The following FANCI variants were observed in gnomAD, a reference collection of about 807,000 sequenced individuals.
FANCI encodes the protein Fanconi anemia group I protein.
Under a neutral mutation model 176.1 loss-of-function variants are expected in FANCI, and 156 were observed. The ratio of observed to expected loss-of-function variants is 0.89; its 90% CI spans 0.78 to 1.01. The LOEUF (loss-of-function observed/expected upper bound fraction) is 1.01. Ranked by LOEUF, FANCI falls within the 50% of genes least tolerant of loss-of-function variation. FANCI has a pLI of 0.00. For synonymous variants in FANCI, 613 were observed against 541.7 expected, an observed-to-expected ratio of 1.13 and a Z score of -1.83; for missense variants, 1,678 against 1,534.1, an observed-to-expected ratio of 1.09 and a Z score of -1.57.
intron 9 of FANCI, 35 bp from the exon 10 acceptor site, chr15:89,268,364 C>T (rs747223338): frequency 1.2e-6 from 2 of 1,613,304 alleles, no homozygotes; most frequent in Non-Finnish European, 1.7e-6. Context: ...AGCCACTGCA[C>T]CTTATAGCTC....
At position 89,247,845 on chromosome 15, in the gene FANCI, G is replaced by A. The variant is rs28635206; in HGVS notation, c.84+114G>A. On this transcript the variant is annotated intron_variant, in intron 2 of 37. Transcript: ENST00000310775. ...CTTCTTCATCTACTCCCCATTCACT[G>A]TAGGAGACAAGGATTTATTTAATAA... 3.2e-3 allele frequency: 2,528 copies of A among 790,062 alleles called. 35 individuals carry two copies. The highest frequency in any genetic ancestry group is 0.032 in the African/African-American group (1,856 of 58,104). The allele number at this position is 790,062 out of a possible 1,614,324, so 48.9% of individuals were successfully genotyped here. A position where few individuals can be genotyped will look rare whatever the true frequency, so the allele number is the denominator to read the frequency against.
At chr15:89,303,791 ACTCTT>A in intron 27 of FANCI, 68 bp from the exon 28 acceptor site, 1 of 1,340,052 alleles carries the variant, frequency 7.5e-7, no homozygotes, top group Non-Finnish European at 1.1e-6. Context: ...AAGGTCTAGA[ACTCTT>A]CTGTTCTGAC....
rs571170572 is a variant in FANCI, at chr15:89,281,052, A to G, written c.1382-118A>G. Reference sequence around the variant, plus strand: ...AATCAGTAGAAATTTGTATTGCAGTATACTTGACTTATTTGAGAAAGGAAA... The same window carrying G: ...AATCAGTAGAAATTTGTATTGCAGTGTACTTGACTTATTTGAGAAAGGAAA... On this transcript the variant is annotated intron_variant, in intron 14 of 37. Transcript: ENST00000310775. 8.9e-6 allele frequency: 9 copies of G among 1,010,662 alleles called. No homozygotes were observed. In the African/African-American group the frequency reaches 1.4e-4, roughly 16 times the overall value. The allele number at this position is 1,010,662 out of a possible 1,614,324, so 62.6% of individuals were successfully genotyped here.
In FANCI at chr15:89,295,033, G is replaced by A. The variant is rs553892537; in HGVS notation, c.2575G>A (p.Val859Met). 1 of 1,552,280 alleles carries A rather than the reference G, an allele frequency of 6.4e-7. No individual in the cohort carries two copies. Among genetic ancestry groups the A allele is most frequent in the African/African-American group, 1.4e-5 (1 of 73,152 alleles). The change falls in exon 24 of 38, where the codon GTG becomes ATG. Residue 859 changes from valine to methionine, a missense_variant. Around this residue, in one of 3 missense-constraint regions of FANCI, gnomAD observed 1,204 missense variants for 1,077.4 expected, o/e 1.12. Transcript: ENST00000310775. ...ACAGCAGCTAAAGGAAACAGGGCAT[G>A]TGAGTGGCCCTGATGGCCAAAACCC... ...KVQQLKETGH[V>M]SGPDGQNPEK...
At chr15:89,262,077 A>T (rs879843471) in intron 6 of FANCI, among the ~76,000 whole-genome samples, 199 bp downstream of exon 6, 6 of 152,316 alleles carry the variant, frequency 3.9e-5, no homozygotes, top group Non-Finnish European at 8.8e-5. Flanking sequence ...AAGACTGTTC[A>T]TATAGTTTTA....
intron 34 of FANCI, among the ~76,000 whole-genome samples, chr15:89,311,400 CAG>C (rs1275589261): frequency 6.6e-6 from 1 of 152,190 alleles, no homozygotes; most frequent in African/African-American, 2.4e-5. Flanking sequence ...GCCTGGGCGA[CAG>C]AGTGAAACTC....
intron 1 of FANCI, 120 bp from the exon 2 acceptor site, chr15:89,247,509 A>T: frequency 2.7e-6 from 2 of 750,734 alleles, no homozygotes; most frequent in South Asian, 2.9e-5. Context: ...AGATAGTCCT[A>T]AGTTTGTTGA....
At chr15:89,266,468 A>G (rs539676852) in intron 9 of FANCI, among the ~76,000 whole-genome samples, 1 of 151,514 alleles carries the variant, frequency 6.6e-6, no homozygotes, top group South Asian at 2.1e-4. Context: ...AGCTGGGGTT[A>G]CAGGTGCGTG....
At chr15:89,255,637 A>C (rs887729740) in intron 2 of FANCI, among the ~76,000 whole-genome samples, 7 of 152,240 alleles carry the variant, frequency 4.6e-5, no homozygotes, top group African/African-American at 1.7e-4. Context: ...ATCAGACAAC[A>C]CAAAATGAGG....
intron 10 of FANCI, among the ~76,000 whole-genome samples, chr15:89,270,171 G>A (rs2053145519): frequency 6.6e-6 from 1 of 152,072 alleles, no homozygotes; most frequent in Non-Finnish European, 1.5e-5. Context: ...TTAGCTCATG[G>A]GTTGCACAAA....
chr15:89,281,968 CA>C, intron 16 of FANCI, 133 bp downstream of exon 16: 1 of 822,826 alleles, frequency 1.2e-6, no homozygotes, highest in Non-Finnish European at 2.1e-6. Context: ...GCAATTTCAT[CA>C]AATAAGGCAT....
intron 16 of FANCI, 47 bp from the exon 17 acceptor site, chr15:89,283,089 T>A (rs1213926800): frequency 6.3e-7 from 1 of 1,597,300 alleles, no homozygotes; most frequent in Non-Finnish European, 8.6e-7. Context: ...CAGAAGCATA[T>A]TCCTGTGAAA....
intron 34 of FANCI, among the ~76,000 whole-genome samples, chr15:89,308,900 C>T (rs906380733): frequency 9.9e-5 from 15 of 151,300 alleles, no homozygotes; most frequent in African/African-American, 2.9e-4. Context: ...GAGCAAAGAT[C>T]GCACTGTTGT....
rs750218626 is a variant in FANCI at position 89,316,388 on chromosome 15, C to T, written c.3925-9C>T. 2.5e-6 allele frequency: 4 copies of T among 1,610,188 alleles called. No individual in the cohort carries two copies. The highest frequency in any genetic ancestry group is 1.7e-4 in the Middle Eastern group (1 of 6,058). The stretch of plus-strand genomic sequence containing the variant: ...ATCACGTTAGAGCATTAATTCTTTC[C>T]CCTTCTAGGGCACTGCATCAGAGCA... On this transcript the variant is annotated splice_polypyrimidine_tract_variant and intron_variant, in intron 37 of 37. Coordinates refer to ENST00000310775, the MANE Select transcript of FANCI (RefSeq NM_001113378.2).
chr15:89,309,758 T>A (rs944035929), intron 34 of FANCI, among the ~76,000 whole-genome samples: 2 of 152,184 alleles, frequency 1.3e-5, no homozygotes, highest in Non-Finnish European at 2.9e-5. Context: ...CAACAGTATG[T>A]TCATTAGTAG....
intron 31 of FANCI, 133 bp from the exon 32 acceptor site, chr15:89,305,874 A>G: frequency 9.3e-7 from 1 of 1,070,654 alleles, no homozygotes; most frequent in Non-Finnish European, 1.4e-6. Context: ...AGCACGATTA[A>G]TTCACTCTGC....
Position 89,264,596 on chromosome 15 carries a change from G to C in FANCI, c.744G>C (p.Gln248His), listed in dbSNP as rs772510200. The C allele has an allele frequency of 6.2e-7, 1 of 1,611,944 alleles. No individual in the cohort carries two copies. The highest frequency in any genetic ancestry group is 8.5e-7 in the Non-Finnish European group (1 of 1,178,230). Residue 248 changes from glutamine (Q) to histidine (H), a missense_variant, in exon 9 of 38, where the codon CAG becomes CAC. This residue lies in a region of FANCI where 469 missense variants were observed against 436.9 expected (regional missense o/e 1.07). Transcript: ENST00000310775. ...TAGATAAGCAGCACAATGAGGAACAGAGTGGTGACGAGTGAGTAATATAGT... is the reference window on the plus strand; with the variant it reads ...TAGATAAGCAGCACAATGAGGAACACAGTGGTGACGAGTGAGTAATATAGT... ...SALDKQHNEE[Q>H]SGDELLDVVT...
chr15:89,294,931 C>T lies in FANCI; in HGVS notation c.2473C>T (p.His825Tyr). ...TALFRDSIQSHQESLSVLRSS... is the reference protein window; with the variant it reads ...TALFRDSIQSYQESLSVLRSS... ...TCTCTCTAGGGATAGTATCCAAAGC[C>T]ACCAAGAAAGCCTTTCTGTTCTCAG... Residue 825 changes from histidine to tyrosine, a missense_variant, in exon 24 of 38, where the codon CAC becomes TAC. Physicochemically the swap from His to Tyr is moderately conservative, Grantham distance 83. Around this residue, in one of 3 missense-constraint regions of FANCI, gnomAD observed 1,204 missense variants for 1,077.4 expected, o/e 1.12. Transcript: ENST00000310775. The T allele has an allele frequency of 1.3e-6, 2 of 1,552,220 alleles. No individual in the cohort carries two copies. The highest frequency in any genetic ancestry group is 1.7e-6 in the Non-Finnish European group (2 of 1,147,096).
Position 89,316,205 on chromosome 15 carries a change from T to TATTA in FANCI, c.3925-191_3925-188dup, listed in dbSNP as rs2055247018. On this transcript the variant is annotated intron_variant, in intron 37 of 37. Coordinates refer to ENST00000310775, the MANE Select transcript of FANCI (RefSeq NM_001113378.2). ...GTCCTAAAAGGAGGTGCCACTGTCT[T>TATTA]ATTACTCTACACTTTGGAGGACTCC... is the stretch of plus-strand genomic sequence containing the variant. The TATTA allele has an allele frequency of 7.9e-6, 5 of 633,122 alleles. No individual in the cohort carries two copies. In the Admixed American group the frequency reaches 1.4e-4, roughly 18 times the overall value. The allele number at this position is 633,122 out of a possible 1,614,324, so 39.2% of individuals were successfully genotyped here. A position where few individuals can be genotyped will look rare whatever the true frequency, so the allele number is the denominator to read the frequency against.
Sources: gnomAD v4.1 joint callset for allele counts (sites outside exome capture counted in the v4.1 genomes callset) on GRCh38, gnomAD v4.1.1 for gene constraint, gnomAD v4.1.1 regional missense constraint, MANE v1.5 for transcripts, NCBI Gene and HGNC (gene_info 2026-07-23, HGNC 2026-07-21) for gene names.